Variants in MAP4 observed in about 807,000 individuals in gnomAD.
MAP4 encodes microtubule associated protein 4.
MAP4 carries 76 observed loss-of-function variants against 170.2 expected under a neutral mutation model. The ratio of observed to expected loss-of-function variants is 0.45; its 90% CI spans 0.37 to 0.54. MAP4 has a LOEUF of 0.54. Among genes scored for constraint, MAP4 ranks in the 20% least tolerant of loss-of-function variants. MAP4 has a pLI of 0.00. For missense variants in MAP4, 2,506 were observed against 2,748.0 expected, an observed-to-expected ratio of 0.91 and a Z score of 1.97; for synonymous variants, 909 against 994.5, an observed-to-expected ratio of 0.91 and a Z score of 1.62.
chr3:47,965,252 C>T (rs186175184), intron 3 of MAP4, among the ~76,000 whole-genome samples: 9 of 152,170 alleles, frequency 5.9e-5, no homozygotes, highest in East Asian at 3.9e-4. Flanking sequence ...GGCTAAATAA[C>T]GTTCCATTAT....
At chr3:47,993,263 G>A (rs2100093475) in intron 2 of MAP4, among the ~76,000 whole-genome samples, 1 of 152,250 alleles carries the variant, frequency 6.6e-6, no homozygotes, top group Non-Finnish European at 1.5e-5. Flanking sequence ...GTTCAAGGCT[G>A]TAGTGTGCTA....
At chr3:47,915,798 C>T (rs935214449) in intron 7 of MAP4, among the ~76,000 whole-genome samples, 153 bp downstream of exon 7, 4 of 152,006 alleles carry the variant, frequency 2.6e-5, no homozygotes, top group Admixed American at 6.6e-5. Context: ...AGGGTAAAGG[C>T]GGGAAAGAGT....
rs781716219 is a variant in MAP4 at position 47,928,275 on chromosome 3, G to A, written c.368C>T (p.Thr123Ile). 1.5e-5 allele frequency: 25 copies of A among 1,614,032 alleles called. No individual in the cohort carries two copies. In the East Asian group the frequency reaches 4.7e-4, roughly 30 times the overall value. The change falls in exon 4 of 21, where the codon ACC becomes ATC. Residue 123 changes from threonine to isoleucine, a missense_variant. Around this residue, in one of 3 missense-constraint regions of MAP4, gnomAD observed 2,008 missense variants for 2,206.0 expected, o/e 0.91. Transcript: ENST00000683076. ...YPNSQNWPED[T>I]NFCFQPEQVV... ...TTGCTCAGGTTGGAAACAAAAGTTG[G>A]TATCTTCTGGCCAGTTCTGGCTATT...
intron 10 of MAP4, among the ~76,000 whole-genome samples, chr3:47,883,294 G>A (rs1244467617): frequency 1.3e-5 from 2 of 152,030 alleles, no homozygotes. Flanking sequence ...CAGTGGCATG[G>A]CTCACCACGA....
At chr3:48,063,316 G>C (rs2100136857) in intron 1 of MAP4, among the ~76,000 whole-genome samples, 1 of 151,542 alleles carries the variant, frequency 6.6e-6, no homozygotes, top group Admixed American at 6.6e-5. Flanking sequence ...ATCACCTATA[G>C]TCCCAGCTAC....
At chr3:48,088,434 T>G (rs2100150527) in intron 1 of MAP4, among the ~76,000 whole-genome samples, 1 of 151,828 alleles carries the variant, frequency 6.6e-6, no homozygotes, top group African/African-American at 2.4e-5. Flanking sequence ...GGCCCCAGAC[T>G]GCGGCCGACC....
intron 3 of MAP4, chr3:47,960,312 TG>T: frequency 4.4e-6 from 1 of 225,996 alleles, no homozygotes. Context: ...TTCAAATCAC[TG>T]GTAAAAGTTT....
At chr3:47,959,854 G>A (rs2100070458) in intron 3 of MAP4, among the ~76,000 whole-genome samples, 1 of 151,740 alleles carries the variant, frequency 6.6e-6, no homozygotes, top group Non-Finnish European at 1.5e-5. Flanking sequence ...AATATAAATG[G>A]AGTTTTGGCC....
Position 47,852,374 on chromosome 3 carries a change from T to TGG in MAP4, c.*558_*559dup, listed in dbSNP as rs1300758473. ...CAAGAAGGGCCCGACACCACCTGCA[T>TGG]GGGGAGGGGGGGGCGCCCATTTGTG... is the stretch of plus-strand genomic sequence containing the variant. On this transcript the variant is annotated 3_prime_UTR_variant, in exon 21 of 21. Coordinates refer to ENST00000683076, the MANE Select transcript of MAP4 (RefSeq NM_001385682.1). The TGG allele has an allele frequency of 3.0e-4, 53 of 177,762 alleles. No homozygotes were observed. The South Asian group carries it at 3.3e-3, about 11-fold the overall frequency. The allele number at this position is 177,762 out of a possible 1,614,324, so 11.0% of individuals were successfully genotyped here. A position where few individuals can be genotyped will look rare whatever the true frequency, so the allele number is the denominator to read the frequency against.
At position 47,911,862 on chromosome 3, in the gene MAP4, ACT is replaced by A. The variant is rs1162729614; in HGVS notation, c.2557_2558del (p.Leu854GlnfsTer8). The A allele has an allele frequency of 2.0e-6, 3 of 1,535,886 alleles. No homozygotes were observed. Among genetic ancestry groups the A allele is most frequent in the African/African-American group, 1.4e-5 (1 of 72,970 alleles). On this transcript the variant is annotated frameshift_variant, in exon 9 of 21. Coordinates refer to ENST00000683076, the MANE Select transcript of MAP4 (RefSeq NM_001385682.1). LOFTEE classifies it high-confidence loss of function. The surrounding 1 kb of genome is among the most constrained non-coding windows in gnomAD (Gnocchi z 4.0). Reference protein sequence around the residue: ...RLVAENFVSESLRIPLYPSEE... With the variant: ...RLVAENFVSEXLRIPLYPSEE... Reference sequence around the variant, plus strand: ...CAGAAGGATATAAAGGAATTCTGAGACTCTCTGAGACAAAGTTCTCAGCTACC... The same window carrying A: ...CAGAAGGATATAAAGGAATTCTGAGACTCTGAGACAAAGTTCTCAGCTACC...
upstream of MAP4, among the ~76,000 whole-genome samples, chr3:48,018,201 G>C (rs773115690): frequency 9.2e-5 from 14 of 152,122 alleles, no homozygotes; most frequent in Non-Finnish European, 1.3e-4. Flanking sequence ...CGAGGGTTGG[G>C]GACCCCCCAC....
chr3:47,890,855 TC>T (rs1338130312), intron 10 of MAP4, among the ~76,000 whole-genome samples: 2 of 152,128 alleles, frequency 1.3e-5, no homozygotes, highest in Non-Finnish European at 1.5e-5. Flanking sequence ...TTTGTTCTCT[TC>T]CTTGCCTCAC....
At chr3:48,069,996 CAG>C (rs1381180606) in intron 1 of MAP4, among the ~76,000 whole-genome samples, 1 of 151,958 alleles carries the variant, frequency 6.6e-6, no homozygotes, top group African/African-American at 2.4e-5. Flanking sequence ...TTTTCTGAGA[CAG>C]GGTCTCACTC....
At chr3:48,028,454 T>A (rs1314585393) in intron 1 of MAP4, among the ~76,000 whole-genome samples, 1 of 151,752 alleles carries the variant, frequency 6.6e-6, no homozygotes, top group African/African-American at 2.4e-5. Flanking sequence ...AGGAAAGGTG[T>A]GAGAGGGAGA....
intron 3 of MAP4, among the ~76,000 whole-genome samples, chr3:47,959,733 T>C (rs923853056): frequency 2.1e-5 from 3 of 141,708 alleles, no homozygotes; most frequent in African/African-American, 7.9e-5. Flanking sequence ...CACTCCACCC[T>C]GGGCGACAGA....
At chr3:47,984,944 G>A (rs2100087687) in intron 2 of MAP4, among the ~76,000 whole-genome samples, 1 of 151,318 alleles carries the variant, frequency 6.6e-6, no homozygotes, top group South Asian at 2.1e-4. Flanking sequence ...CCTCCAGACT[G>A]GGAGACAAAG....
chr3:47,858,795 ACT>A (rs1476197205), intron 17 of MAP4, among the ~76,000 whole-genome samples: 1 of 149,990 alleles, frequency 6.7e-6, no homozygotes, highest in Admixed American at 6.7e-5. Flanking sequence ...GCACAGTGAA[ACT>A]CTATCTCTAC....
chr3:47,888,590 C>T (rs930388102), intron 10 of MAP4, among the ~76,000 whole-genome samples: 2 of 152,120 alleles, frequency 1.3e-5, no homozygotes, highest in Non-Finnish European at 2.9e-5. Flanking sequence ...TCAGAAGGGA[C>T]AGACTCCAGA....
At chr3:47,889,370 T>A (rs2098195180) in intron 10 of MAP4, among the ~76,000 whole-genome samples, 1 of 152,244 alleles carries the variant, frequency 6.6e-6, no homozygotes. Context: ...AAGGCCCACC[T>A]CAAATGTGAC....
Sources: allele counts gnomAD v4.1 joint callset (sites outside exome capture counted in the v4.1 genomes callset), GRCh38; gene constraint gnomAD v4.1.1; regional missense constraint gnomAD v4.1.1; non-coding constraint Gnocchi (gnomAD v3.1); transcripts MANE v1.5; gene names NCBI Gene and HGNC (gene_info 2026-07-23, HGNC 2026-07-21).